FAM168A: variants seen among roughly 807,000 people sequenced by gnomAD.
The protein encoded by FAM168A is protein FAM168A.
A neutral mutation model predicts 28.5 loss-of-function variants in FAM168A; 3 were observed. The ratio of observed to expected loss-of-function variants is 0.11; its 90% CI spans 0.05 to 0.27. The LOEUF is 0.27. FAM168A is among the 10% of genes least tolerant of loss of function. The pLI is 1.00. For missense variants in FAM168A, 222 were observed against 311.5 expected (o/e 0.71, Z 2.16); for synonymous variants, 122 against 124.2 (o/e 0.98, Z 0.12).
rs535935756 is a variant in FAM168A, at chr11:73,543,839, G to C, written c.-19+54084C>G. Among the ~76,000 whole-genome samples the C allele has an allele frequency of 1.7e-3, 252 of 152,190 alleles. 1 individual carries two copies. The highest frequency in any genetic ancestry group is 5.8e-3 in the African/African-American group (241 of 41,530). On this transcript the variant is annotated intron_variant, in intron 1 of 7. Transcript: ENST00000356467. ...GGATATCACCAAGCTAGGTAGTAAAGCACAAAGAGATACATAAAGTGGCTC... is the reference window on the plus strand; with the variant it reads ...GGATATCACCAAGCTAGGTAGTAAACCACAAAGAGATACATAAAGTGGCTC...
At chr11:73,580,352 T>C in intron 1 of FAM168A, 1 of 591,788 alleles carries the variant, frequency 1.7e-6, no homozygotes, top group Non-Finnish European at 3.3e-6. Flanking sequence ...AACCTGCTCC[T>C]CCAAAGATAG....
chr11:73,546,849 AG>A (rs903281049), intron 1 of FAM168A, among the ~76,000 whole-genome samples: 21 of 152,330 alleles, frequency 1.4e-4, no homozygotes, highest in East Asian at 9.6e-4. Flanking sequence ...TAAAATTAAA[AG>A]AATTTTATTA....
chr11:73,490,743 A>G (rs1426300361), intron 1 of FAM168A, among the ~76,000 whole-genome samples: 1 of 152,206 alleles, frequency 6.6e-6, no homozygotes, highest in South Asian at 2.1e-4. Flanking sequence ...AACCTTTAAC[A>G]AACTCAACAT....
At chr11:73,557,804 C>T (rs1299161460) in intron 1 of FAM168A, among the ~76,000 whole-genome samples, 2 of 152,114 alleles carry the variant, frequency 1.3e-5, no homozygotes, top group South Asian at 2.1e-4. Flanking sequence ...GCATGGTACT[C>T]GCATAAGGAC....
Position 73,401,118 on chromosome 11 carries a change from TTTTA to T in FAM168A, c.*5641_*5644del, listed in dbSNP as rs1243460228. 9 of 149,618 alleles carry T rather than the reference TTTTA, an allele frequency of 6.0e-5. No homozygotes were observed. The highest frequency in any genetic ancestry group is 3.9e-4 in the East Asian group (2 of 5,182). The allele number at this position is 149,618 out of a possible 1,614,324, so 9.3% of individuals were successfully genotyped here. On this transcript the variant is annotated 3_prime_UTR_variant, in exon 8 of 8. Transcript: ENST00000356467. ...TTATTATTATTATTATTATTTTAAA[TTTTA>T]TTTCTTTTTAAAATGTGAGTTCCAA...
Position 73,581,594 on chromosome 11 carries a change from A to T in FAM168A, c.-19+16329T>A, listed in dbSNP as rs1168573046. ...ATGTCCAGAATTGTCCACACATAAG[A>T]CCTAGTCTTCTTTCAAAAATAAGCT... On this transcript the variant is annotated intron_variant, in intron 1 of 7. Coordinates refer to ENST00000356467, the MANE Select transcript of FAM168A (RefSeq NM_015159.3). 2.0e-5 allele frequency among the ~76,000 whole-genome samples: 3 copies of T among 152,066 alleles called. No individual in the cohort carries two copies. In the East Asian group the frequency reaches 5.8e-4, roughly 29 times the overall value.
intron 2 of FAM168A, among the ~76,000 whole-genome samples, chr11:73,455,458 A>T (rs1237557804): frequency 6.6e-6 from 1 of 152,218 alleles, no homozygotes; most frequent in Non-Finnish European, 1.5e-5. Context: ...TATATACACC[A>T]TGCTTCCACA....
intron 1 of FAM168A, among the ~76,000 whole-genome samples, chr11:73,521,970 C>T (rs1943386578): frequency 1.3e-5 from 2 of 152,074 alleles, no homozygotes; most frequent in African/African-American, 4.8e-5. Context: ...GGAGGGAATT[C>T]TCAAGGAAGT....
At chr11:73,551,970 G>C (rs1310986098) in intron 1 of FAM168A, among the ~76,000 whole-genome samples, 2 of 152,208 alleles carry the variant, frequency 1.3e-5, no homozygotes, top group Non-Finnish European at 2.9e-5. Context: ...CTGCCCTGGA[G>C]AGAAAGGAAT....
chr11:73,410,193 G>A (rs1349852519), intron 5 of FAM168A, among the ~76,000 whole-genome samples: 1 of 152,086 alleles, frequency 6.6e-6, no homozygotes, highest in Non-Finnish European at 1.5e-5. Flanking sequence ...ATCACTTGAG[G>A]TCAGGAGTTC....
chr11:73,546,957 T>C (rs1943762211), intron 1 of FAM168A, among the ~76,000 whole-genome samples: 1 of 151,286 alleles, frequency 6.6e-6, no homozygotes, highest in Non-Finnish European at 1.5e-5. Flanking sequence ...AATTTTAAAA[T>C]GTGCAAAGAA....
chr11:73,526,868 C>CAAAA (rs61073226), intron 1 of FAM168A, among the ~76,000 whole-genome samples: 47 of 51,918 alleles, frequency 9.1e-4, no homozygotes, highest in Non-Finnish European at 1.4e-3. Context: ...GACTCCATCT[C>CAAAA]AAAAAAAAAA....
intron 1 of FAM168A, among the ~76,000 whole-genome samples, chr11:73,498,797 A>G (rs538684878): frequency 2.8e-4 from 42 of 152,126 alleles, no homozygotes; most frequent in Non-Finnish European, 5.7e-4. Context: ...ATCCTTCTTC[A>G]GTGAGAGGGG....
intron 6 of FAM168A, among the ~76,000 whole-genome samples, chr11:73,408,896 CCT>C (rs1330904170): frequency 1.3e-5 from 2 of 152,030 alleles, no homozygotes; most frequent in African/African-American, 2.4e-5. Flanking sequence ...GAACATTGCC[CCT>C]GTGTCTTCTT....
chr11:73,467,166 A>C (rs1867747601), intron 2 of FAM168A, among the ~76,000 whole-genome samples: 1 of 152,106 alleles, frequency 6.6e-6, no homozygotes, highest in South Asian at 2.1e-4. Context: ...AAACAGTTCC[A>C]GGCTCATAAT....
chr11:73,590,945 C>G (rs1038035798), intron 1 of FAM168A, among the ~76,000 whole-genome samples: 1 of 152,150 alleles, frequency 6.6e-6, no homozygotes, highest in Non-Finnish European at 1.5e-5. Flanking sequence ...GGGTTCAAGA[C>G]CAGCCTGGCC....
At chr11:73,497,250 A>C (rs961399847) in intron 1 of FAM168A, among the ~76,000 whole-genome samples, 1 of 152,074 alleles carries the variant, frequency 6.6e-6, no homozygotes, top group Non-Finnish European at 1.5e-5. Context: ...GCAGATCACG[A>C]GGTCAGGAGA....
At chr11:73,595,010 G>A (rs1411845902) in intron 1 of FAM168A, among the ~76,000 whole-genome samples, 17 of 152,016 alleles carry the variant, frequency 1.1e-4, no homozygotes, top group Admixed American at 1.1e-3. Context: ...ATGAGGTAAA[G>A]ATACAAAAAC....
intron 2 of FAM168A, among the ~76,000 whole-genome samples, chr11:73,466,125 C>A (rs957629086): frequency 5.3e-5 from 8 of 152,176 alleles, no homozygotes; most frequent in Non-Finnish European, 1.2e-4. Flanking sequence ...CTGCAGCCAC[C>A]ATCCCATTTC....
Sources: gnomAD v4.1 joint callset for allele counts (sites outside exome capture counted in the v4.1 genomes callset) on GRCh38, gnomAD v4.1.1 for gene constraint, MANE v1.5 for transcripts, NCBI Gene and HGNC (gene_info 2026-07-23, HGNC 2026-07-21) for gene names.